The following TMEFF2 variants were observed in gnomAD, a reference collection of about 807,000 sequenced individuals.
TMEFF2 encodes tomoregulin-2.
In TMEFF2, 28 loss-of-function variants were observed where a neutral mutation model predicts 53.8. The ratio of observed to expected loss-of-function variants is 0.52; its 90% confidence interval spans 0.39 to 0.71. TMEFF2 has a LOEUF of 0.71. Ranked by LOEUF, TMEFF2 falls within the 30% of genes least tolerant of loss-of-function variation. The pLI is 0.00. For missense variants in TMEFF2, 353 were observed against 455.2 expected, an observed-to-expected ratio of 0.78 and a Z score of 2.04; for synonymous variants, 162 against 166.3, an observed-to-expected ratio of 0.97 and a Z score of 0.20.
intron 4 of TMEFF2, among the ~76,000 whole-genome samples, chr2:192,153,685 G>A (rs12693637): frequency 0.3 from 45,278 of 151,652 alleles, 7,737 homozygotes; most frequent in Admixed American, 0.37. Flanking sequence ...AACACCTGTG[G>A]TATGAAAAGC....
At chr2:192,015,488 T>A (rs990843338) in intron 5 of TMEFF2, among the ~76,000 whole-genome samples, 1 of 152,138 alleles carries the variant, frequency 6.6e-6, no homozygotes, top group African/African-American at 2.4e-5. Context: ...TAGGGTCTAC[T>A]GTTTTTTAAA....
At chr2:191,959,638 G>A (rs201184155) in intron 7 of TMEFF2, among the ~76,000 whole-genome samples, 2 of 137,058 alleles carry the variant, frequency 1.5e-5, no homozygotes, top group Non-Finnish European at 3.2e-5. Context: ...GTGTGTATGT[G>A]TTTACCATTG....
intron 7 of TMEFF2, among the ~76,000 whole-genome samples, chr2:191,970,880 G>A (rs192658211): frequency 2.7e-4 from 41 of 152,158 alleles, no homozygotes; most frequent in Non-Finnish European, 5.3e-4. Context: ...TATTAATCGT[G>A]TACTGTTTTA....
At chr2:192,016,563 C>T (rs1401502981) in intron 5 of TMEFF2, among the ~76,000 whole-genome samples, 1 of 152,176 alleles carries the variant, frequency 6.6e-6, no homozygotes, top group African/African-American at 2.4e-5. Context: ...CCTGTGAGTC[C>T]ATCTTACAGC....
intron 7 of TMEFF2, among the ~76,000 whole-genome samples, chr2:191,975,126 G>A (rs1454008895): frequency 6.6e-6 from 1 of 150,672 alleles, no homozygotes. Flanking sequence ...TGAGAAGGAT[G>A]CTAATTAAAA....
intron 4 of TMEFF2, among the ~76,000 whole-genome samples, chr2:192,068,178 G>A (rs1445072132): frequency 1.3e-5 from 2 of 151,880 alleles, no homozygotes; most frequent in African/African-American, 2.4e-5. Flanking sequence ...ATAGGAGGAT[G>A]TGTGACTTTG....
chr2:192,194,628 AGGCGGCGGCGGTGGCAGT>A lies in TMEFF2; in HGVS notation c.-122_-105del. On this transcript the variant is annotated 5_prime_UTR_variant, in exon 1 of 10. Transcript: ENST00000272771. The surrounding 1 kb of genome is among the most constrained non-coding windows in gnomAD (Gnocchi z 4.2). The stretch of plus-strand genomic sequence containing the variant: ...AGCATCCCGCGGACGGCGGCAGCAG[AGGCGGCGGCGGTGGCAGT>A]GGCACCCGGCGGGGAAGCAGCAGCC... 7.1e-7 allele frequency: 1 copy of A among 1,401,286 alleles called. No individual in the cohort carries two copies. The highest frequency in any genetic ancestry group is 9.7e-7 in the Non-Finnish European group (1 of 1,027,664). The allele number at this position is 1,401,286 out of a possible 1,614,324, so 86.8% of individuals were successfully genotyped here. A position where few individuals can be genotyped will look rare whatever the true frequency, so the allele number is the denominator to read the frequency against.
chr2:192,166,117 C>T (rs1690760405), intron 4 of TMEFF2, among the ~76,000 whole-genome samples: 1 of 152,102 alleles, frequency 6.6e-6, no homozygotes, highest in Non-Finnish European at 1.5e-5. Flanking sequence ...AAACTTTTAA[C>T]TGTTGGTTAT....
At chr2:192,023,242 T>C (rs528342704) in intron 5 of TMEFF2, among the ~76,000 whole-genome samples, 4 of 152,308 alleles carry the variant, frequency 2.6e-5, no homozygotes, top group African/African-American at 4.8e-5. Flanking sequence ...CATGAATAGA[T>C]TGAGTACACA....
chr2:191,987,136 G>A lies in TMEFF2; in HGVS notation c.745+11126C>T, dbSNP rs116746081. On this transcript the variant is annotated intron_variant, in intron 7 of 9. Transcript: ENST00000272771. ...CCTGTGCATTGTAGGATGTATAGCCGTATATCTGGCCTCCACCCACTAGAT... is the reference window on the plus strand; with the variant it reads ...CCTGTGCATTGTAGGATGTATAGCCATATATCTGGCCTCCACCCACTAGAT... Among the ~76,000 whole-genome samples, 1,489 of 152,144 alleles carry A rather than the reference G, an allele frequency of 9.8e-3. 23 individuals carry two copies. The highest frequency in any genetic ancestry group is 0.033 in the African/African-American group (1,389 of 41,504).
intron 7 of TMEFF2, among the ~76,000 whole-genome samples, chr2:191,976,673 G>A (rs947441744): frequency 1.3e-5 from 2 of 152,188 alleles, no homozygotes; most frequent in African/African-American, 4.8e-5. Context: ...AGTCTGAAAA[G>A]CAAACAGGCA....
At chr2:192,079,193 C>G (rs1200633189) in intron 4 of TMEFF2, among the ~76,000 whole-genome samples, 1 of 152,144 alleles carries the variant, frequency 6.6e-6, no homozygotes, top group African/African-American at 2.4e-5. Flanking sequence ...CCATTTTTGC[C>G]CAATATGAGA....
At chr2:192,001,934 T>C (rs1349809869) in intron 5 of TMEFF2, among the ~76,000 whole-genome samples, 1 of 152,230 alleles carries the variant, frequency 6.6e-6, no homozygotes, top group Admixed American at 6.5e-5. Context: ...GAATCAGTGT[T>C]TCACTGAAAA....
intron 4 of TMEFF2, among the ~76,000 whole-genome samples, chr2:192,133,365 C>G (rs1312638924): frequency 6.6e-6 from 1 of 152,110 alleles, no homozygotes; most frequent in African/African-American, 2.4e-5. Context: ...CTTACCATCT[C>G]ATTAAAACCT....
chr2:192,172,944 C>G (rs1050622742), intron 4 of TMEFF2, among the ~76,000 whole-genome samples: 5 of 151,804 alleles, frequency 3.3e-5, no homozygotes, highest in Non-Finnish European at 7.4e-5. Flanking sequence ...GCATAAAGTG[C>G]TCATTCTTTC....
intron 5 of TMEFF2, among the ~76,000 whole-genome samples, chr2:192,055,829 A>G (rs12693622): frequency 0.45 from 66,566 of 147,888 alleles, 15,130 homozygotes; most frequent in Non-Finnish European, 0.48. Flanking sequence ...ATAAAAAACA[A>G]AAAACATACA....
At chr2:192,146,518 C>G (rs1690253083) in intron 4 of TMEFF2, among the ~76,000 whole-genome samples, 1 of 151,902 alleles carries the variant, frequency 6.6e-6, no homozygotes, top group Non-Finnish European at 1.5e-5. Context: ...GCTCTTCTCC[C>G]CAAGTGTCTG....
intron 7 of TMEFF2, among the ~76,000 whole-genome samples, chr2:191,969,139 CTA>C (rs550381791): frequency 1.6e-5 from 1 of 64,318 alleles, no homozygotes; most frequent in Non-Finnish European, 3.4e-5. Context: ...GTGTGTGTAT[CTA>C]TGTGTGTGTG....
chr2:192,131,674 G>A lies in TMEFF2; in HGVS notation c.439+47994C>T, dbSNP rs563745085. Among the ~76,000 whole-genome samples, 14 of 152,052 alleles carry A rather than the reference G, an allele frequency of 9.2e-5. No individual in the cohort carries two copies. The East Asian group carries it at 2.7e-3, about 29-fold the overall frequency. ...TCCGTGTCTCTACTCTTTTCCCTGGGCTTGCCTCCTTCACTATGGGCAAGC... is the reference window on the plus strand; with the variant it reads ...TCCGTGTCTCTACTCTTTTCCCTGGACTTGCCTCCTTCACTATGGGCAAGC... On this transcript the variant is annotated intron_variant, in intron 4 of 9. Transcript: ENST00000272771.
Sources: gnomAD v4.1 joint callset for allele counts (sites outside exome capture counted in the v4.1 genomes callset) on GRCh38, gnomAD v4.1.1 for gene constraint, Gnocchi (gnomAD v3.1) non-coding constraint, MANE v1.5 for transcripts, NCBI Gene and HGNC (gene_info 2026-07-23, HGNC 2026-07-21) for gene names.